The following UIMC1 variants were observed in gnomAD, a reference collection of about 807,000 sequenced individuals.
UIMC1 encodes the protein ubiquitin interaction motif containing 1.
Under a neutral mutation model 84.9 loss-of-function variants are expected in UIMC1, and 42 were observed. The observed-to-expected ratio is 0.49, with a 90% CI of 0.39 to 0.64. The LOEUF is 0.64. Ranked by LOEUF, UIMC1 falls within the 30% of genes least tolerant of loss-of-function variation. The pLI is 0.00. For missense variants in UIMC1, 825 were observed against 847.6 expected, an observed-to-expected ratio of 0.97 and a Z score of 0.33; for synonymous variants, 281 against 293.0, an observed-to-expected ratio of 0.96 and a Z score of 0.42.
chr5:176,948,896 T>C (rs1657502182), intron 9 of UIMC1, among the ~76,000 whole-genome samples: 1 of 152,168 alleles, frequency 6.6e-6, no homozygotes, highest in Admixed American at 6.5e-5. Context: ...CTTTATACTA[T>C]CTTTGTGCAC....
chr5:176,937,501 A>C (rs1244186730), intron 10 of UIMC1, among the ~76,000 whole-genome samples: 10 of 152,146 alleles, frequency 6.6e-5, no homozygotes, highest in Admixed American at 6.5e-4. Flanking sequence ...TCAAAAAATA[A>C]AAATAAAAAA....
intron 4 of UIMC1, 142 bp from the exon 5 acceptor site, chr5:176,969,848 G>T: frequency 1.5e-6 from 1 of 681,994 alleles, no homozygotes. Flanking sequence ...TAATTTCACA[G>T]CATATGCTGA....
intron 10 of UIMC1, among the ~76,000 whole-genome samples, chr5:176,912,704 C>A (rs977283340): frequency 4.7e-5 from 7 of 148,984 alleles, no homozygotes; most frequent in African/African-American, 1.7e-4. Flanking sequence ...CTCGCTCTGT[C>A]ACGCAGGCTG....
At position 176,908,694 on chromosome 5, in the gene UIMC1, C is replaced by A; in HGVS notation, c.1677G>T (p.Lys559Asn). The change falls in exon 12 of 15, where the codon AAG (lysine) becomes AAT (asparagine). Residue 559 changes from lysine (K) to asparagine (N), a missense_variant and splice_region_variant. By Grantham distance (94) the Lys-to-Asn change is moderately conservative (BLOSUM62 0). Transcript: ENST00000511320. ...ATTTACAGAGGTAACACTTCTCATT[C>A]CTATCCAATAAGAAAAAAGGAAGAA... The part of the protein sequence containing the change: ...TAAQTSLDID[K>N]NEKCYLCKSL... 3 of 1,608,882 alleles carry A rather than the reference C, an allele frequency of 1.9e-6. No individual in the cohort carries two copies. Among genetic ancestry groups the A allele is most frequent in the Non-Finnish European group, 2.5e-6 (3 of 1,177,120 alleles).
intron 2 of UIMC1, among the ~76,000 whole-genome samples, chr5:176,977,152 G>A (rs1184585356): frequency 6.6e-6 from 1 of 151,456 alleles, no homozygotes; most frequent in Non-Finnish European, 1.5e-5. Flanking sequence ...GAACCCGGGA[G>A]GCAGAGGTTG....
At chr5:176,986,447 T>C (rs955427629) in intron 1 of UIMC1, among the ~76,000 whole-genome samples, 3 of 135,810 alleles carry the variant, frequency 2.2e-5, no homozygotes, top group Non-Finnish European at 4.6e-5. Flanking sequence ...GGCAGGAGGA[T>C]AGCTTGAGTG....
At chr5:177,020,580 G>C (rs752924650) in intron 1 of UIMC1, among the ~76,000 whole-genome samples, 1 of 152,052 alleles carries the variant, frequency 6.6e-6, no homozygotes, top group Admixed American at 6.6e-5. Context: ...ACAGGCGCCC[G>C]CCACCACGCC....
At chr5:176,953,495 T>TACATACACAC (rs1766168229) in intron 8 of UIMC1, among the ~76,000 whole-genome samples, 1 of 136,886 alleles carries the variant, frequency 7.3e-6, no homozygotes, top group African/African-American at 2.8e-5. Flanking sequence ...ACTGGACACA[T>TACATACACAC]ACACACACAC....
intron 3 of UIMC1, among the ~76,000 whole-genome samples, chr5:176,974,616 C>T (rs1217603696): frequency 2.0e-5 from 3 of 152,012 alleles, no homozygotes; most frequent in African/African-American, 7.2e-5. Context: ...AAGGCTGAGG[C>T]GGGTGGATCG....
At chr5:177,020,396 A>G (rs1775762665) in intron 1 of UIMC1, among the ~76,000 whole-genome samples, 1 of 152,164 alleles carries the variant, frequency 6.6e-6, no homozygotes, top group Admixed American at 6.5e-5. Context: ...CTGAGATGCA[A>G]TCCTGTTTTA....
chr5:176,963,157 T>TAAAAAAAAAAAAAAAAAAAAA (rs70991588), intron 6 of UIMC1, among the ~76,000 whole-genome samples: 1 of 13,986 alleles, frequency 7.2e-5, no homozygotes, highest in Non-Finnish European at 1.1e-4. Flanking sequence ...AAAAATAAAT[T>TAAAAAAAAAAAAAAAAAAAAA]AAAAAAAAAA....
chr5:176,994,191 C>G (rs1451187498), intron 1 of UIMC1, among the ~76,000 whole-genome samples: 1 of 151,836 alleles, frequency 6.6e-6, no homozygotes, highest in Non-Finnish European at 1.5e-5. Flanking sequence ...GAACAACACA[C>G]TGAGACCCTA....
At chr5:176,968,237 T>G (rs1768615379) in intron 6 of UIMC1, among the ~76,000 whole-genome samples, 1 of 152,040 alleles carries the variant, frequency 6.6e-6, no homozygotes. Context: ...CAGGGCATAG[T>G]GGCAAGCACC....
intron 1 of UIMC1, chr5:177,001,482 T>G (rs1774441217): frequency 6.6e-6 from 1 of 152,186 alleles, no homozygotes; most frequent in Non-Finnish European, 1.5e-5. Context: ...GATCCTAGGT[T>G]GTTGTTTTTT....
intron 1 of UIMC1, among the ~76,000 whole-genome samples, chr5:177,003,254 C>T (rs182037559): frequency 3.3e-4 from 50 of 152,258 alleles, no homozygotes; most frequent in African/African-American, 1.2e-3. Flanking sequence ...CCAGTTTATA[C>T]TCAGTCTCAA....
intron 1 of UIMC1, among the ~76,000 whole-genome samples, chr5:177,013,361 A>AC (rs1775598739): frequency 1.5e-5 from 2 of 137,732 alleles, no homozygotes; most frequent in South Asian, 2.4e-4. Flanking sequence ...ACTGCATCCA[A>AC]ACACACACAC....
intron 2 of UIMC1, among the ~76,000 whole-genome samples, chr5:176,976,230 G>A (rs1561863339): frequency 6.6e-6 from 1 of 152,038 alleles, no homozygotes; most frequent in Non-Finnish European, 1.5e-5. Context: ...CAGATGGATC[G>A]CTTGAACCCA....
intron 10 of UIMC1, among the ~76,000 whole-genome samples, chr5:176,921,501 C>A (rs1352790530): frequency 6.6e-6 from 1 of 152,186 alleles, no homozygotes; most frequent in Non-Finnish European, 1.5e-5. Flanking sequence ...TTCTTAATTT[C>A]TTCCTCCAAA....
chr5:176,987,577 C>A (rs1455838127), intron 1 of UIMC1, among the ~76,000 whole-genome samples: 1 of 152,004 alleles, frequency 6.6e-6, no homozygotes, highest in East Asian at 1.9e-4. Flanking sequence ...TGCTTGAACC[C>A]AGGGCAGAGG....
Sources: gnomAD v4.1 joint callset for allele counts (sites outside exome capture counted in the v4.1 genomes callset) on GRCh38, gnomAD v4.1.1 for gene constraint, MANE v1.5 for transcripts, NCBI Gene and HGNC (gene_info 2026-07-23, HGNC 2026-07-21) for gene names.